The following ZNF496 variants were observed in gnomAD, a reference collection of about 807,000 sequenced individuals.
The protein encoded by ZNF496 is zinc finger protein 496.
A neutral mutation model predicts 58.9 loss-of-function variants in ZNF496; 11 were observed. The ratio of observed to expected loss-of-function variants is 0.19; its 90% CI spans 0.12 to 0.31. ZNF496 has a LOEUF of 0.31. Among genes scored for constraint, ZNF496 ranks in the 10% least tolerant of loss-of-function variants. The pLI, the probability that ZNF496 is intolerant of heterozygous loss-of-function variation, is 1.00. For synonymous variants in ZNF496, 338 were observed against 318.2 expected (o/e 1.06, Z -0.66); for missense variants, 660 against 783.0 (o/e 0.84, Z 1.88).
At chr1:247,320,689 T>G (rs912313127) in intron 6 of ZNF496, among the ~76,000 whole-genome samples, 1 of 152,254 alleles carries the variant, frequency 6.6e-6, no homozygotes, top group African/African-American at 2.4e-5. Context: ...TACAATGGCA[T>G]GTGAATCTAC....
intron 6 of ZNF496, among the ~76,000 whole-genome samples, chr1:247,316,606 C>T (rs911145944): frequency 2.4e-4 from 36 of 152,080 alleles, no homozygotes; most frequent in African/African-American, 8.5e-4. Flanking sequence ...CCCCTCAACC[C>T]GAATCTTCTC....
intron 4 of ZNF496, 107 bp from the exon 5 acceptor site, chr1:247,328,973 C>T: frequency 2.1e-6 from 3 of 1,444,596 alleles, no homozygotes; most frequent in South Asian, 2.7e-5. Context: ...TCAACTTAGG[C>T]CTTGGACTGG....
chr1:247,308,308 A>G lies in ZNF496; in HGVS notation c.1006+167T>C, dbSNP rs757488592. Among the ~76,000 whole-genome samples, 1 of 152,172 alleles carries G rather than the reference A, an allele frequency of 6.6e-6. No individual in the cohort carries two copies. The highest frequency in any genetic ancestry group is 6.5e-5 in the Admixed American group (1 of 15,282). On this transcript the variant is annotated intron_variant, in intron 9 of 9. Coordinates refer to ENST00000682384, the MANE Select transcript of ZNF496 (RefSeq NM_032752.3). This position sits in a 1 kb window ranked among gnomAD's most constrained non-coding sequence, Gnocchi z 4.5. ...ATGCCCCCAACACACAGGTGCACCC[A>G]TGAATGCACACACTCACACATGCAG...
intron 6 of ZNF496, among the ~76,000 whole-genome samples, chr1:247,316,930 T>C (rs1659799457): frequency 6.6e-6 from 1 of 152,204 alleles, no homozygotes; most frequent in African/African-American, 2.4e-5. Flanking sequence ...GGCACACAAA[T>C]AAATTGGCAG....
At position 247,299,844 on chromosome 1, in the gene ZNF496, G is replaced by A. The variant is rs1659177554; in HGVS notation, c.*675C>T. On this transcript the variant is annotated 3_prime_UTR_variant, in exon 10 of 10. Transcript: ENST00000682384. ...AGGAAAATCAACAGGTATGACGACT[G>A]TTTCCAAACCTCAAGAAGGAGCTCT... The A allele has an allele frequency of 6.6e-6, 1 of 152,214 alleles. No homozygotes were observed. The highest frequency in any genetic ancestry group is 1.5e-5 in the Non-Finnish European group (1 of 68,038). The allele number at this position is 152,214 out of a possible 1,614,324, so 9.4% of individuals were successfully genotyped here.
chr1:247,321,002 C>A (rs1174291107), intron 6 of ZNF496, among the ~76,000 whole-genome samples: 1 of 152,084 alleles, frequency 6.6e-6, no homozygotes, highest in Non-Finnish European at 1.5e-5. Context: ...ATGGTGAAAC[C>A]CCGTCTCTAC....
At chr1:247,325,588 T>C (rs1660094205) in intron 5 of ZNF496, among the ~76,000 whole-genome samples, 1 of 152,202 alleles carries the variant, frequency 6.6e-6, no homozygotes, top group Non-Finnish European at 1.5e-5. Context: ...CACCATGCTG[T>C]ACCATAGATC....
intron 5 of ZNF496, among the ~76,000 whole-genome samples, chr1:247,324,359 G>A (rs1159009438): frequency 3.3e-5 from 5 of 152,232 alleles, no homozygotes; most frequent in Non-Finnish European, 7.3e-5. Flanking sequence ...CAAAATTTCA[G>A]TGACATGAGA....
At chr1:247,328,987 G>T in intron 4 of ZNF496, 121 bp from the exon 5 acceptor site, 1 of 1,405,000 alleles carries the variant, frequency 7.1e-7, no homozygotes, top group Non-Finnish European at 9.6e-7. Flanking sequence ...GGACTGGGCT[G>T]TAAAGGGGCA....
chr1:247,317,574 C>CG (rs371668729), intron 6 of ZNF496, among the ~76,000 whole-genome samples: 4 of 152,168 alleles, frequency 2.6e-5, no homozygotes, highest in African/African-American at 9.6e-5. Flanking sequence ...GAACAAGCCC[C>CG]CCCCCCGCCA....
In ZNF496 at chr1:247,308,230, A is replaced by G. The variant is rs1211732431; in HGVS notation, c.1006+245T>C. ...GGTCGGCGGGGATCCTGAGGGGTTCAGTTCCTAACTGTCCCATGCCATCAC... is the reference window on the plus strand; with the variant it reads ...GGTCGGCGGGGATCCTGAGGGGTTCGGTTCCTAACTGTCCCATGCCATCAC... On this transcript the variant is annotated intron_variant, in intron 9 of 9. Coordinates refer to ENST00000682384, the MANE Select transcript of ZNF496 (RefSeq NM_032752.3). The surrounding 1 kb of genome is among the most constrained non-coding windows in gnomAD (Gnocchi z 4.5). Among the ~76,000 whole-genome samples the G allele has an allele frequency of 2.0e-5, 3 of 152,144 alleles. No individual in the cohort carries two copies. Among genetic ancestry groups the G allele is most frequent in the African/African-American group, 7.2e-5 (3 of 41,432 alleles).
At chr1:247,325,426 G>A (rs1433752535) in intron 5 of ZNF496, among the ~76,000 whole-genome samples, 2 of 152,096 alleles carry the variant, frequency 1.3e-5, no homozygotes, top group South Asian at 2.1e-4. Flanking sequence ...TTTTGTATAC[G>A]AAAACTGTAC....
chr1:247,330,432 G>C (rs1039652099), intron 2 of ZNF496, among the ~76,000 whole-genome samples: 2 of 152,094 alleles, frequency 1.3e-5, no homozygotes, highest in Non-Finnish European at 2.9e-5. Context: ...GCCCTTCCTC[G>C]GCCAGGACAG....
At chr1:247,316,057 T>C (rs1659755648) in intron 6 of ZNF496, among the ~76,000 whole-genome samples, 1 of 101,102 alleles carries the variant, frequency 9.9e-6, no homozygotes, top group Admixed American at 9.1e-5. Context: ...GTTTCTTAAA[T>C]GGGGAAAAAA....
chr1:247,303,713 T>C (rs1346076712), intron 9 of ZNF496, among the ~76,000 whole-genome samples: 2 of 152,182 alleles, frequency 1.3e-5, no homozygotes, highest in Non-Finnish European at 2.9e-5. Context: ...TTGCCGCTTA[T>C]AGTGAAACGT....
chr1:247,315,721 C>T (rs1659746635), intron 6 of ZNF496, among the ~76,000 whole-genome samples: 1 of 151,856 alleles, frequency 6.6e-6, no homozygotes, highest in African/African-American at 2.4e-5. Context: ...TGCCATCTTC[C>T]CTAACTTTAA....
chr1:247,324,766 C>T (rs963525767), intron 5 of ZNF496, among the ~76,000 whole-genome samples: 28 of 151,770 alleles, frequency 1.8e-4, no homozygotes, highest in Non-Finnish European at 1.5e-5. Context: ...AGAAATTAAA[C>T]AAAAAAGAAA....
At position 247,309,273 on chromosome 1, in the gene ZNF496, C is replaced by T. The variant is rs12034916; in HGVS notation, c.892+426G>A. 0.23 allele frequency: 131,725 copies of T among 576,604 alleles called. 15,662 individuals carry two copies. The highest frequency in any genetic ancestry group is 0.4 in the East Asian group (3,370 of 8,362). 35.7% of individuals were successfully genotyped at this position (576,604 alleles called of 1,614,324 possible). A position where few individuals can be genotyped will look rare whatever the true frequency, so the allele number is the denominator to read the frequency against. ...CCCACACCCCAGTGTCCTCACAGCA[C>T]CCCTGTACCAGGCAGATGGGAAGAC... On this transcript the variant is annotated intron_variant, in intron 8 of 9. Coordinates refer to ENST00000682384, the MANE Select transcript of ZNF496 (RefSeq NM_032752.3). This position sits in a 1 kb window ranked among gnomAD's most constrained non-coding sequence, Gnocchi z 4.3.
chr1:247,312,942 C>T (rs1325218878), intron 6 of ZNF496: 1 of 151,994 alleles, frequency 6.6e-6, no homozygotes, highest in African/African-American at 2.4e-5. Flanking sequence ...AACAAAATAC[C>T]GCAGACTGGG....
Sources: allele counts gnomAD v4.1 joint callset (sites outside exome capture counted in the v4.1 genomes callset), GRCh38; gene constraint gnomAD v4.1.1; non-coding constraint Gnocchi (gnomAD v3.1); transcripts MANE v1.5; gene names NCBI Gene and HGNC (gene_info 2026-07-23, HGNC 2026-07-21).